SCN4A: variants seen among roughly 807,000 people sequenced by gnomAD.
SCN4A encodes the protein sodium voltage-gated channel alpha subunit 4.
A neutral mutation model predicts 162.0 loss-of-function variants in SCN4A; 83 were observed. The observed-to-expected ratio is 0.51, with a 90% CI of 0.43 to 0.61. The LOEUF is 0.61. SCN4A is among the 20% of genes least tolerant of loss of function. The pLI is 0.00. For missense variants in SCN4A, 2,196 were observed against 2,462.5 expected (o/e 0.89, Z 2.29); for synonymous variants, 944 against 985.1 (o/e 0.96, Z 0.78).
chr17:63,970,280 G>C (rs2079859559), intron 5 of SCN4A, among the ~76,000 whole-genome samples: 1 of 152,046 alleles, frequency 6.6e-6, no homozygotes, highest in African/African-American at 2.4e-5. Context: ...ATGGGCCAGG[G>C]GCTGTGAGGG....
Position 63,972,502 on chromosome 17 carries a change from G to A in SCN4A, c.274-32C>T. 1.2e-6 allele frequency: 2 copies of A among 1,608,556 alleles called. No individual in the cohort carries two copies. The highest frequency in any genetic ancestry group is 1.7e-6 in the Non-Finnish European group (2 of 1,177,038). ...TGGGAGAGAGGCTGTGAGACCCAGG[G>A]ACAGACAGACAGGCAGACAGATGGA... On this transcript the variant is annotated intron_variant, in intron 1 of 23. Coordinates refer to ENST00000435607, the MANE Select transcript of SCN4A (RefSeq NM_000334.4). The surrounding 1 kb of genome is among the most constrained non-coding windows in gnomAD (Gnocchi z 4.3).
At chr17:63,946,397 T>G (rs1908718571) in intron 18 of SCN4A, among the ~76,000 whole-genome samples, 1 of 151,938 alleles carries the variant, frequency 6.6e-6, no homozygotes, top group Admixed American at 6.5e-5. Context: ...TTGCAGAAAT[T>G]TGTCCCGCTG....
rs748828476 is a variant in SCN4A at position 63,971,156 on chromosome 17, C to T, written c.703+6G>A. 5.2e-6 allele frequency: 8 copies of T among 1,550,352 alleles called. No individual in the cohort carries two copies. Among genetic ancestry groups the T allele is most frequent in the Middle Eastern group, 1.7e-4 (1 of 6,006 alleles). ...CAGGCAGAGGGTCCCTGCACCTCCCCAGTACCTGGGATGACCGTGATGGTT... is the reference window on the plus strand; with the variant it reads ...CAGGCAGAGGGTCCCTGCACCTCCCTAGTACCTGGGATGACCGTGATGGTT... On this transcript the variant is annotated splice_donor_region_variant and intron_variant, in intron 5 of 23. Coordinates refer to ENST00000435607, the MANE Select transcript of SCN4A (RefSeq NM_000334.4).
chr17:63,945,102 C>T lies in SCN4A; in HGVS notation c.3721-42G>A. ...GGGGAGTGAGCCGGGGGGCTGCTCC[C>T]TGCTTTCATCATCCATGAGTTTCCC... On this transcript the variant is annotated intron_variant, in intron 19 of 23. Transcript: ENST00000435607. The surrounding 1 kb of genome is among the most constrained non-coding windows in gnomAD (Gnocchi z 4.4). The T allele has an allele frequency of 6.3e-7, 1 of 1,596,040 alleles. No individual in the cohort carries two copies. Among genetic ancestry groups the T allele is most frequent in the African/African-American group, 1.3e-5 (1 of 74,714 alleles).
In SCN4A at chr17:63,941,606, T is replaced by G; in HGVS notation, c.4676A>C (p.Asn1559Thr). The G allele has an allele frequency of 6.2e-7, 1 of 1,613,932 alleles. No individual in the cohort carries two copies. Among genetic ancestry groups the G allele is most frequent in the Non-Finnish European group, 8.5e-7 (1 of 1,179,940 alleles). The change falls in exon 24 of 24, where the codon AAC (asparagine) becomes ACC (threonine). Residue 1559 changes from asparagine to threonine, a missense_variant. By Grantham distance (65) the Asn-to-Thr change is moderately conservative. Coordinates refer to ENST00000435607, the MANE Select transcript of SCN4A (RefSeq NM_000334.4). This position sits in a 1 kb window ranked among gnomAD's most constrained non-coding sequence, Gnocchi z 6.2. ...GPPDCDPNLE[N>T]PGTSVKGDCG... ...GTCACCCTTGACACTGGTGCCCGGGTTCTCCAGGTTGGGGTCACAGTCTGG... is the reference window on the plus strand; with the variant it reads ...GTCACCCTTGACACTGGTGCCCGGGGTCTCCAGGTTGGGGTCACAGTCTGG...
intron 22 of SCN4A, 109 bp from the exon 23 acceptor site, chr17:63,943,205 GAGATGAC>G (rs1908602754): frequency 7.7e-5 from 22 of 284,086 alleles, no homozygotes; most frequent in South Asian, 2.4e-4. Context: ...AGAGATGACA[GAGATGAC>G]AGAGAGAGAG....
At chr17:63,960,870 TC>T (rs1202099723) in intron 11 of SCN4A, among the ~76,000 whole-genome samples, 1 of 151,494 alleles carries the variant, frequency 6.6e-6, no homozygotes, top group Non-Finnish European at 1.5e-5. Flanking sequence ...CACCCCTATC[TC>T]CACACCCCCA....
intron 13 of SCN4A, among the ~76,000 whole-genome samples, chr17:63,954,943 G>A (rs564922482): frequency 1.3e-5 from 2 of 152,312 alleles, no homozygotes; most frequent in South Asian, 2.1e-4. Flanking sequence ...ACCTCCCTGA[G>A]CCCCTGTTTC....
At chr17:63,962,008 A>C (rs1336568488) in intron 10 of SCN4A, among the ~76,000 whole-genome samples, 15 of 151,472 alleles carry the variant, frequency 9.9e-5, no homozygotes. Flanking sequence ...AGTAACTCAC[A>C]GGACCACCTC....
At chr17:63,954,958 T>C (rs904855010) in intron 13 of SCN4A, among the ~76,000 whole-genome samples, 1 of 152,092 alleles carries the variant, frequency 6.6e-6, no homozygotes, top group African/African-American at 2.4e-5. Flanking sequence ...TGTTTCCTCA[T>C]CTATAAAACA....
chr17:63,968,296 T>A lies in SCN4A; in HGVS notation c.763A>T (p.Ile255Phe). ...ACGCTCAGGCAGAAGACAGTGAGGA[T>A]CATCACATCCGACAGCTTTTTCACC... is the stretch of plus-strand genomic sequence containing the variant. ...QSVKKLSDVM[I>F]LTVFCLSVFA... The change falls in exon 6 of 24, where the codon ATC (isoleucine) becomes TTC (phenylalanine). Residue 255 changes from isoleucine to phenylalanine, a missense_variant. Coordinates refer to ENST00000435607, the MANE Select transcript of SCN4A (RefSeq NM_000334.4). 1.2e-6 allele frequency: 2 copies of A among 1,611,600 alleles called. No individual in the cohort carries two copies. The highest frequency in any genetic ancestry group is 1.1e-5 in the South Asian group (1 of 91,054).
In SCN4A at chr17:63,972,015, G is replaced by T; in HGVS notation, c.482+121C>A. The T allele has an allele frequency of 9.5e-7, 1 of 1,051,484 alleles. No homozygotes were observed. The allele number at this position is 1,051,484 out of a possible 1,614,324, so 65.1% of individuals were successfully genotyped here. ...GGCCACCCCAGGGACTCAAGGTGTG[G>T]ATGAGGGTCACAATGACAGTGTGTC... On this transcript the variant is annotated intron_variant, in intron 3 of 23. Coordinates refer to ENST00000435607, the MANE Select transcript of SCN4A (RefSeq NM_000334.4). This position sits in a 1 kb window ranked among gnomAD's most constrained non-coding sequence, Gnocchi z 4.3.
chr17:63,963,958 C>A, intron 9 of SCN4A, 133 bp from the exon 10 acceptor site: 1 of 834,784 alleles, frequency 1.2e-6, no homozygotes, highest in South Asian at 2.0e-5. Flanking sequence ...AAACTTAGTG[C>A]AGGTGGGGGA....
In SCN4A at chr17:63,968,032, T is replaced by G; in HGVS notation, c.1027A>C (p.Ser343Arg). 6.2e-7 allele frequency: 1 copy of G among 1,613,606 alleles called. No homozygotes were observed. The change falls in exon 6 of 24, where the codon AGT becomes CGT. Residue 343 changes from serine to arginine, a missense_variant. Ser to Arg is a moderately radical substitution (Grantham distance 110). Transcript: ENST00000435607. ...NDTFDWDAYI[S>R]DEGNFYFLEG... The stretch of plus-strand genomic sequence containing the variant: ...CCCTCCCCATTCTTACCTTCATCAC[T>G]GATGTAGGCGTCCCAATCAAAGGTA...
At position 63,945,992 on chromosome 17, in the gene SCN4A, C is replaced by A. The variant is rs1025490383; in HGVS notation, c.3442-354G>T. ...CTCAGCTCACGTGACCCAGCCCCTG[C>A]TCATGGGTTTTCAGCCCCAGAGCCC... On this transcript the variant is annotated intron_variant, in intron 18 of 23. Transcript: ENST00000435607. This position sits in a 1 kb window ranked among gnomAD's most constrained non-coding sequence, Gnocchi z 4.4. 6.6e-6 allele frequency among the ~76,000 whole-genome samples: 1 copy of A among 152,174 alleles called. No homozygotes were observed. The highest frequency in any genetic ancestry group is 2.4e-5 in the African/African-American group (1 of 41,436).
intron 23 of SCN4A, among the ~76,000 whole-genome samples, chr17:63,942,596 C>T (rs931315742): frequency 3.9e-5 from 6 of 152,236 alleles, no homozygotes; most frequent in African/African-American, 9.6e-5. Flanking sequence ...CCTGAGTGCA[C>T]GTCTTCTGGT....
Position 63,956,157 on chromosome 17 carries a change from C to T in SCN4A, c.2376+1005G>A, listed in dbSNP as rs370218358. Among the ~76,000 whole-genome samples, 224 of 152,368 alleles carry T rather than the reference C, an allele frequency of 1.5e-3. No individual in the cohort carries two copies. The South Asian group carries it at 0.025, about 17-fold the overall frequency. Reference sequence around the variant, plus strand: ...CCTGGCCCCTTCCTCTGCACCAGCCCCTCATGCCAAGCCCTGAACCACAGT... The same window carrying T: ...CCTGGCCCCTTCCTCTGCACCAGCCTCTCATGCCAAGCCCTGAACCACAGT... On this transcript the variant is annotated intron_variant, in intron 13 of 23. Transcript: ENST00000435607.
rs1357236962 is a variant in SCN4A at position 63,957,163 on chromosome 17, A to G, written c.2375T>C (p.Val792Ala). 3.2e-6 allele frequency: 5 copies of G among 1,566,604 alleles called. No homozygotes were observed. The African/African-American group carries it at 4.0e-5, about 13-fold the overall frequency. ...FLMVMVIGNL[V>A]VLNLFLALLL... ...GGCCACCCAGCCAGCCTCACTCACCACAAGATTGCCGATGACCATGACCAT... is the reference window on the plus strand; with the variant it reads ...GGCCACCCAGCCAGCCTCACTCACCGCAAGATTGCCGATGACCATGACCAT... The change falls in exon 13 of 24, where the codon GTG (valine) becomes GCG (alanine). Residue 792 changes from valine (V) to alanine (A), a missense_variant and splice_region_variant. Transcript: ENST00000435607.
At chr17:63,952,746 C>T (rs1465268011) in intron 13 of SCN4A, among the ~76,000 whole-genome samples, 1 of 152,102 alleles carries the variant, frequency 6.6e-6, no homozygotes, top group East Asian at 1.9e-4. Flanking sequence ...TAGGAGGCTA[C>T]TGCTGCTCCC....
Sources: gnomAD v4.1 joint callset for allele counts (sites outside exome capture counted in the v4.1 genomes callset) on GRCh38, gnomAD v4.1.1 for gene constraint, Gnocchi (gnomAD v3.1) non-coding constraint, MANE v1.5 for transcripts, NCBI Gene and HGNC (gene_info 2026-07-23, HGNC 2026-07-21) for gene names.